The following RAB2A variants were observed in gnomAD, a reference collection of about 807,000 sequenced individuals.
RAB2A encodes the protein ras-related protein Rab-2A.
RAB2A carries 7 observed loss-of-function variants against 32.5 expected under a neutral mutation model. That is an observed-to-expected ratio of 0.22 (90% CI 0.12 to 0.40). The LOEUF (loss-of-function observed/expected upper bound fraction) is 0.40, where lower values mean the gene tolerates loss of function less well. RAB2A is among the 10% of genes least tolerant of loss of function. The pLI, the probability that RAB2A is intolerant of heterozygous loss-of-function variation, is 1.00. For synonymous variants in RAB2A, 79 were observed against 85.2 expected (o/e 0.93, Z 0.40); for missense variants, 108 against 260.7 (o/e 0.41, Z 4.03).
chr8:60,531,797 GAT>G (rs1491408041), intron 1 of RAB2A, among the ~76,000 whole-genome samples: 4 of 123,844 alleles, frequency 3.2e-5, no homozygotes, highest in African/African-American at 1.3e-4. Flanking sequence ...CTTCTACCTT[GAT>G]TTTTTTTTTT....
At chr8:60,579,407 T>C (rs1803698004) in intron 3 of RAB2A, among the ~76,000 whole-genome samples, 1 of 152,198 alleles carries the variant, frequency 6.6e-6, no homozygotes, top group Non-Finnish European at 1.5e-5. Flanking sequence ...TACTGTCCAC[T>C]CTGGCCACTC....
intron 2 of RAB2A, among the ~76,000 whole-genome samples, chr8:60,567,997 C>T (rs775797919): frequency 6.6e-6 from 1 of 152,120 alleles, no homozygotes; most frequent in African/African-American, 2.4e-5. Context: ...TTTTGTTTTA[C>T]ATAGAAAATT....
chr8:60,581,277 T>C (rs1376828918), intron 3 of RAB2A, among the ~76,000 whole-genome samples: 5 of 152,196 alleles, frequency 3.3e-5, no homozygotes, highest in Admixed American at 2.0e-4. Flanking sequence ...AATGCAAATA[T>C]TCTAAAATCA....
chr8:60,584,380 C>T (rs1231762170), intron 4 of RAB2A, 90 bp downstream of exon 4: 2 of 1,120,962 alleles, frequency 1.8e-6, no homozygotes, highest in Non-Finnish European at 2.7e-6. Flanking sequence ...AATAGCTTAG[C>T]CTTTCTGCCC....
At chr8:60,597,664 A>G (rs947643392) in intron 6 of RAB2A, among the ~76,000 whole-genome samples, 9 of 152,246 alleles carry the variant, frequency 5.9e-5, no homozygotes, top group Non-Finnish European at 1.0e-4. Context: ...ACCATAAAAA[A>G]GAAAAACCCA....
chr8:60,538,065 G>A (rs1454396166), intron 1 of RAB2A, among the ~76,000 whole-genome samples: 1 of 152,196 alleles, frequency 6.6e-6, no homozygotes, highest in African/African-American at 2.4e-5. Context: ...AAAGTTCCAT[G>A]AGTTGGGAGG....
chr8:60,527,354 A>G (rs575958168), intron 1 of RAB2A, among the ~76,000 whole-genome samples: 8 of 152,320 alleles, frequency 5.3e-5, no homozygotes, highest in African/African-American at 1.9e-4. Context: ...CTAAGGAGCA[A>G]ATGGTAGAAA....
intron 6 of RAB2A, among the ~76,000 whole-genome samples, chr8:60,600,733 A>C (rs191758413): frequency 1.3e-5 from 2 of 152,362 alleles, no homozygotes; most frequent in East Asian, 1.9e-4. Flanking sequence ...ACTACTCAAC[A>C]ATAAGAAGGG....
chr8:60,526,149 C>T (rs1412324109), intron 1 of RAB2A, among the ~76,000 whole-genome samples: 1 of 151,188 alleles, frequency 6.6e-6, no homozygotes, highest in African/African-American at 2.4e-5. Flanking sequence ...AGAAGTCTAA[C>T]GTGTCACTGG....
chr8:60,543,814 T>G (rs780382034), intron 1 of RAB2A, among the ~76,000 whole-genome samples: 9 of 152,048 alleles, frequency 5.9e-5, no homozygotes, highest in Non-Finnish European at 1.3e-4. Flanking sequence ...CCCAGCACTT[T>G]GGGAGGCTAA....
At chr8:60,600,549 C>G (rs2150432497) in intron 6 of RAB2A, among the ~76,000 whole-genome samples, 1 of 152,270 alleles carries the variant, frequency 6.6e-6, no homozygotes, top group Non-Finnish European at 1.5e-5. Flanking sequence ...TGTTGCACCC[C>G]TGGACATTTA....
intron 2 of RAB2A, chr8:60,570,031 T>G (rs1002047599): frequency 2.2e-6 from 1 of 456,134 alleles, no homozygotes. Context: ...TGTTAGCTTC[T>G]CATCTGCTCG....
chr8:60,528,963 G>T (rs1807434921), intron 1 of RAB2A, among the ~76,000 whole-genome samples: 1 of 152,168 alleles, frequency 6.6e-6, no homozygotes, highest in Non-Finnish European at 1.5e-5. Context: ...AGAGATTTAT[G>T]ATAAGAATTT....
At chr8:60,521,314 T>G (rs1412746299) in intron 1 of RAB2A, among the ~76,000 whole-genome samples, 1 of 152,158 alleles carries the variant, frequency 6.6e-6, no homozygotes, top group Admixed American at 6.5e-5. Flanking sequence ...GTCTGGTATG[T>G]AGTTGAAAGT....
chr8:60,583,040 G>A (rs994548098), intron 3 of RAB2A, among the ~76,000 whole-genome samples: 1 of 151,708 alleles, frequency 6.6e-6, no homozygotes, highest in African/African-American at 2.4e-5. Flanking sequence ...CATGCAGGGG[G>A]TGGGGGATGG....
At chr8:60,615,237 A>G (rs1403658472) in intron 6 of RAB2A, among the ~76,000 whole-genome samples, 1 of 152,206 alleles carries the variant, frequency 6.6e-6, no homozygotes, top group Non-Finnish European at 1.5e-5. Flanking sequence ...AGGGTAATTG[A>G]GTTTAACAAA....
chr8:60,529,503 A>ACGGAGGAGTTACTC (rs778808671), intron 1 of RAB2A, among the ~76,000 whole-genome samples: 16 of 152,094 alleles, frequency 1.1e-4, no homozygotes, highest in Non-Finnish European at 2.2e-4. Context: ...CATACATCTT[A>ACGGAGGAGTTACTC]CGGAGGAGTT....
intron 6 of RAB2A, among the ~76,000 whole-genome samples, chr8:60,598,238 G>A (rs1010025646): frequency 4.6e-5 from 7 of 152,144 alleles, no homozygotes; most frequent in South Asian, 2.1e-4. Context: ...AAACTACAAC[G>A]GAAATTGAAT....
At chr8:60,591,632 A>C (rs1373596647) in intron 5 of RAB2A, 1 of 362,344 alleles carries the variant, frequency 2.8e-6, no homozygotes, top group Non-Finnish European at 5.1e-6. Context: ...TAACGTTCTA[A>C]AGCTCTAACA....
Sources: gnomAD v4.1 joint callset for allele counts (sites outside exome capture counted in the v4.1 genomes callset) on GRCh38, gnomAD v4.1.1 for gene constraint, MANE v1.5 for transcripts, NCBI Gene and HGNC (gene_info 2026-07-23, HGNC 2026-07-21) for gene names.